Variants in PIK3C2G observed in about 807,000 individuals in gnomAD.
PIK3C2G encodes the protein phosphatidylinositol 3-kinase C2 domain-containing subunit gamma.
PIK3C2G carries 168 observed loss-of-function variants against 181.1 expected under a neutral mutation model. The ratio of observed to expected loss-of-function variants is 0.93; its 90% CI spans 0.82 to 1.05. The LOEUF is 1.05. PIK3C2G is among the 50% of genes least tolerant of loss of function. The pLI is 0.00. For synonymous variants in PIK3C2G, 573 were observed against 592.2 expected, an observed-to-expected ratio of 0.97 and a Z score of 0.47; for missense variants, 1,869 against 1,732.8, an observed-to-expected ratio of 1.08 and a Z score of -1.40.
In PIK3C2G at chr12:18,282,490, G is replaced by C. The variant is rs1949262869; in HGVS notation, c.409G>C (p.Asp137His). 1.2e-6 allele frequency: 2 copies of C among 1,612,592 alleles called. No individual in the cohort carries two copies. Among genetic ancestry groups the C allele is most frequent in the Admixed American group, 1.7e-5 (1 of 59,912 alleles). ...CCCCATAGGAAAACATCATGGTGCTGATGATTCCAGATTCAGTATTTTAGC... is the reference window on the plus strand; with the variant it reads ...CCCCATAGGAAAACATCATGGTGCTCATGATTCCAGATTCAGTATTTTAGC... ...GSPIGKHHGA[D>H]DSRFSILAPS... Residue 137 changes from aspartate to histidine, a missense_variant, in exon 2 of 33, where the codon GAT (aspartate) becomes CAT (histidine). By Grantham distance (81) the Asp-to-His change is moderately conservative (BLOSUM62 -1). Transcript: ENST00000538779.
the PIK3C2G span, among the ~76,000 whole-genome samples, chr12:18,700,484 TGC>T: frequency 9.1e-6 from 1 of 109,354 alleles, no homozygotes; most frequent in East Asian, 3.2e-4. Flanking sequence ...TTCTGGGATG[TGC>T]GCATAACCAG....
At chr12:18,333,135 C>A (rs1938154327) in intron 8 of PIK3C2G, among the ~76,000 whole-genome samples, 2 of 152,154 alleles carry the variant, frequency 1.3e-5, no homozygotes, top group African/African-American at 4.8e-5. Context: ...TGTGCCCCAT[C>A]TCTCTTTGGA....
At chr12:18,475,720 T>C (rs1938924695) in intron 18 of PIK3C2G, among the ~76,000 whole-genome samples, 2 of 152,158 alleles carry the variant, frequency 1.3e-5, no homozygotes, top group African/African-American at 4.8e-5. Context: ...TTGTAATTAA[T>C]GTCTACATTA....
chr12:18,481,311 G>A lies in PIK3C2G; in HGVS notation c.2505-7138G>A, dbSNP rs560955586. On this transcript the variant is annotated intron_variant, in intron 18 of 32. Coordinates refer to ENST00000538779, the MANE Select transcript of PIK3C2G (RefSeq NM_001288772.2). ...CTCACCTATCCTGCATCAGGCTCCCGGGTTGACCACGTTTTTCTGTGAGAT... is the reference window on the plus strand; with the variant it reads ...CTCACCTATCCTGCATCAGGCTCCCAGGTTGACCACGTTTTTCTGTGAGAT... 1.2e-3 allele frequency among the ~76,000 whole-genome samples: 183 copies of A among 152,190 alleles called. 5 individuals carry two copies. The South Asian group carries it at 0.035, about 29-fold the overall frequency.
intron 1 of PIK3C2G, among the ~76,000 whole-genome samples, chr12:18,270,943 T>C (rs1042889165): frequency 7.9e-5 from 12 of 152,212 alleles, no homozygotes; most frequent in African/African-American, 2.9e-4. Flanking sequence ...GACACATTCT[T>C]TCACTTGAGA....
At chr12:18,565,380 G>T (rs1014063279) in intron 28 of PIK3C2G, among the ~76,000 whole-genome samples, 2 of 152,030 alleles carry the variant, frequency 1.3e-5, no homozygotes, top group Admixed American at 1.3e-4. Flanking sequence ...ATCTTTTTTA[G>T]AAAAGTAATA....
At chr12:18,387,884 G>A (rs1204314294) in intron 14 of PIK3C2G, among the ~76,000 whole-genome samples, 1 of 152,078 alleles carries the variant, frequency 6.6e-6, no homozygotes, top group African/African-American at 2.4e-5. Context: ...TTAGCCCTTT[G>A]GTCCACTTAT....
chr12:18,287,716 T>A (rs576845271), intron 3 of PIK3C2G, among the ~76,000 whole-genome samples: 7 of 147,986 alleles, frequency 4.7e-5, no homozygotes, highest in Admixed American at 1.4e-4. Flanking sequence ...GAAAAAAAAA[T>A]TGCTGGGTGT....
the PIK3C2G span, among the ~76,000 whole-genome samples, chr12:18,698,686 C>T: frequency 3.4e-4 from 52 of 152,008 alleles, no homozygotes; most frequent in African/African-American, 9.2e-4. Flanking sequence ...ATGGAGTACA[C>T]GAGATATTTT....
At chr12:18,440,141 A>G (rs1946661805) in intron 18 of PIK3C2G, among the ~76,000 whole-genome samples, 1 of 152,102 alleles carries the variant, frequency 6.6e-6, no homozygotes, top group African/African-American at 2.4e-5. Flanking sequence ...TATAGTAAGA[A>G]CTAATGCAGT....
intron 8 of PIK3C2G, among the ~76,000 whole-genome samples, chr12:18,331,752 T>C (rs933926708): frequency 2.0e-5 from 3 of 152,132 alleles, no homozygotes; most frequent in Non-Finnish European, 4.4e-5. Flanking sequence ...GGGAGAACTT[T>C]ACAGTCTTTT....
intron 24 of PIK3C2G, among the ~76,000 whole-genome samples, chr12:18,527,551 T>G (rs1281480012): frequency 6.6e-6 from 1 of 152,166 alleles, no homozygotes; most frequent in Non-Finnish European, 1.5e-5. Flanking sequence ...CCAAGAGTTA[T>G]AGCATTGTTA....
At chr12:18,448,670 T>C (rs1171321171) in intron 18 of PIK3C2G, among the ~76,000 whole-genome samples, 1 of 152,114 alleles carries the variant, frequency 6.6e-6, no homozygotes, top group Non-Finnish European at 1.5e-5. Flanking sequence ...TCATGTAATG[T>C]CCTTTAAGTT....
At chr12:18,352,210 T>G (rs558088781) in intron 11 of PIK3C2G, among the ~76,000 whole-genome samples, 141 of 152,352 alleles carry the variant, frequency 9.3e-4, no homozygotes, top group South Asian at 8.7e-3. Flanking sequence ...GTTCTAGAAC[T>G]AATCTATGAC....
chr12:18,296,410 T>A (rs1949944880), intron 5 of PIK3C2G, among the ~76,000 whole-genome samples: 1 of 152,108 alleles, frequency 6.6e-6, no homozygotes, highest in Non-Finnish European at 1.5e-5. Flanking sequence ...GCTGCCGGTC[T>A]ACAGCCCACA....
intron 1 of PIK3C2G, among the ~76,000 whole-genome samples, chr12:18,272,254 C>T (rs1948774624): frequency 6.6e-6 from 1 of 152,096 alleles, no homozygotes; most frequent in South Asian, 2.1e-4. Context: ...CAGATTTCCA[C>T]CTGATTTAGT....
intron 18 of PIK3C2G, among the ~76,000 whole-genome samples, chr12:18,439,142 G>A (rs1468242943): frequency 1.3e-5 from 2 of 151,918 alleles, no homozygotes; most frequent in Non-Finnish European, 2.9e-5. Flanking sequence ...ATGAGTAAAA[G>A]GAGTAGTAGA....
intron 20 of PIK3C2G, 97 bp downstream of exon 20, chr12:18,491,655 G>T: frequency 1.5e-6 from 1 of 659,768 alleles, no homozygotes; most frequent in South Asian, 2.1e-5. Context: ...TTCGTAAGTT[G>T]ACACTGCAAT....
the PIK3C2G span, among the ~76,000 whole-genome samples, chr12:18,685,084 G>C: frequency 6.6e-6 from 1 of 151,986 alleles, no homozygotes; most frequent in Non-Finnish European, 1.5e-5. Flanking sequence ...AATCTTTAGA[G>C]CAATATGAAA....
Sources: allele counts gnomAD v4.1 joint callset (sites outside exome capture counted in the v4.1 genomes callset), GRCh38; gene constraint gnomAD v4.1.1; transcripts MANE v1.5; gene names NCBI Gene and HGNC (gene_info 2026-07-23, HGNC 2026-07-21).